Variants in SGO1 observed in about 807,000 individuals in gnomAD.
SGO1 encodes serologically defined breast cancer antigen NY-BR-85.
Under a neutral mutation model 50.5 loss-of-function variants are expected in SGO1, and 39 were observed. The observed-to-expected ratio is 0.77, with a 90% CI of 0.60 to 1.01. The LOEUF (loss-of-function observed/expected upper bound fraction) is 1.01. Among genes scored for constraint, SGO1 ranks in the 50% least tolerant of loss-of-function variants. The probability of loss-of-function intolerance (pLI) is 0.00; values close to 1 mark genes in which losing one functional copy is unlikely to be tolerated. For missense variants in SGO1, 638 were observed against 606.0 expected, an observed-to-expected ratio of 1.05 and a Z score of -0.55; for synonymous variants, 191 against 205.1, an observed-to-expected ratio of 0.93 and a Z score of 0.59.
chr3:20,179,788 T>C (rs974113110), intron 3 of SGO1, among the ~76,000 whole-genome samples: 3 of 152,080 alleles, frequency 2.0e-5, no homozygotes, highest in South Asian at 4.1e-4. Flanking sequence ...GAGACCGACA[T>C]GGAACAGTCA....
chr3:20,161,320 A>C (rs1003685286), intron 8 of SGO1: 2 of 1,406,778 alleles, frequency 1.4e-6, no homozygotes, highest in African/African-American at 3.0e-5. Flanking sequence ...TCCATGAAGG[A>C]TGAGCTCACA....
chr3:20,176,003 T>C (rs552089511), intron 5 of SGO1, among the ~76,000 whole-genome samples: 20 of 152,332 alleles, frequency 1.3e-4, no homozygotes, highest in Middle Eastern at 3.4e-3. Context: ...ATATAATTTG[T>C]ATTTTAAGGA....
chr3:20,161,071 A>G, exon 9 of SGO1: 1 of 1,613,110 alleles, frequency 6.2e-7, no homozygotes, highest in Non-Finnish European at 8.5e-7. Context: ...GCATGGACTA[A>G]AAAAGTTTTC....
At position 20,170,526 on chromosome 3, in the gene SGO1, G is replaced by C. The variant is rs958022708; in HGVS notation, c.*178C>G. The C allele has an allele frequency of 1.2e-5, 15 of 1,207,294 alleles. No homozygotes were observed. Among genetic ancestry groups the C allele is most frequent in the Non-Finnish European group, 1.5e-5 (15 of 970,880 alleles). The allele number at this position is 1,207,294 out of a possible 1,614,324, so 74.8% of individuals were successfully genotyped here. A position where few individuals can be genotyped will look rare whatever the true frequency, so the allele number is the denominator to read the frequency against. On this transcript the variant is annotated 3_prime_UTR_variant, in exon 8 of 8. Coordinates refer to ENST00000412997, the MANE Select transcript of SGO1 (RefSeq NM_001199251.3). ...GAAAAAATAAATTAAATTTATTAAA[G>C]TTTTAATACAAAGCATCCCATTTGA...
intron 5 of SGO1, among the ~76,000 whole-genome samples, chr3:20,176,303 T>G (rs1013307039): frequency 6.6e-6 from 1 of 152,212 alleles, no homozygotes; most frequent in Admixed American, 6.5e-5. Context: ...TAGGTTGTTG[T>G]GAGGGTTAGG....
chr3:20,169,286 G>A (rs530809080), downstream of SGO1: 1 of 985,086 alleles, frequency 1.0e-6, no homozygotes, highest in East Asian at 1.1e-4. Context: ...GAAGTGTTAG[G>A]TTGAAAGTAT....
downstream of SGO1, among the ~76,000 whole-genome samples, chr3:20,167,568 C>G (rs530293412): frequency 6.6e-6 from 1 of 152,184 alleles, no homozygotes; most frequent in African/African-American, 2.4e-5. Context: ...CTTGAATTCT[C>G]ATAAATAAAT....
chr3:20,182,567 T>G (rs1040241979), intron 3 of SGO1, among the ~76,000 whole-genome samples: 2 of 152,190 alleles, frequency 1.3e-5, no homozygotes, highest in African/African-American at 4.8e-5. Context: ...ACTTTTTTCG[T>G]AAGTAATGAT....
At chr3:20,169,239 TG>T, downstream of SGO1, 1 of 985,252 alleles carries the variant, frequency 1.0e-6, no homozygotes, top group Non-Finnish European at 1.2e-6. Context: ...TTGTTAATCA[TG>T]AACTGGGAGA....
Position 20,161,196 on chromosome 3 carries a change from G to C in SGO1, c.1595C>G (p.Ala532Gly), listed in dbSNP as rs777017828. Residue 532 changes from alanine (A) to glycine (G), a missense_variant, in exon 9 of 9, where the codon GCA becomes GGA. Ala to Gly is a moderately conservative substitution (Grantham distance 60). Coordinates refer to the SGO1 transcript ENST00000263753. The stretch of plus-strand genomic sequence containing the variant: ...TCGAACATAATATAAAATAAAAATT[G>C]CTTCTTTGGCAGGTGATACCTCCAG... 1.9e-6 allele frequency: 3 copies of C among 1,607,922 alleles called. No homozygotes were observed. In the South Asian group the frequency reaches 3.3e-5, roughly 18 times the overall value.
chr3:20,164,180 C>A (rs141994782), intron 8 of SGO1, among the ~76,000 whole-genome samples: 76 of 152,224 alleles, frequency 5.0e-4, no homozygotes, highest in Middle Eastern at 3.4e-3. Context: ...ATGTGAAGAT[C>A]TTTAACAAAA....
At chr3:20,162,895 C>G (rs991692669) in intron 8 of SGO1, among the ~76,000 whole-genome samples, 7 of 150,716 alleles carry the variant, frequency 4.6e-5, no homozygotes, top group African/African-American at 1.7e-4. Flanking sequence ...AAATGAAGCC[C>G]AGAGGGAAGA....
At chr3:20,184,372 G>C (rs1016257398) in intron 1 of SGO1, among the ~76,000 whole-genome samples, 1 of 152,102 alleles carries the variant, frequency 6.6e-6, no homozygotes. Context: ...ATTATATTTT[G>C]ATGCATTATT....
rs1228617053 is a variant in SGO1, at chr3:20,170,790, TA to T, written c.1497del (p.Phe499LeufsTer7). The T allele has an allele frequency of 1.9e-6, 3 of 1,596,098 alleles. No homozygotes were observed. Among genetic ancestry groups the T allele is most frequent in the African/African-American group, 1.4e-5 (1 of 73,552 alleles). On this transcript the variant is annotated frameshift_variant, in exon 8 of 8. Coordinates refer to ENST00000412997, the MANE Select transcript of SGO1 (RefSeq NM_001199251.3). LOFTEE classifies it high-confidence loss of function. ...GGAGAATTCAAAAAACACAAATCTG[TA>T]AAAGGGTCCCCTCTTCTCAGTTTCC... ...LASKLRRGDPFTDLCFLNSPI... is the reference protein window; with the variant it reads ...LASKLRRGDPXTDLCFLNSPI...
At chr3:20,179,125 GA>G (rs967902644) in intron 3 of SGO1, among the ~76,000 whole-genome samples, 3 of 152,164 alleles carry the variant, frequency 2.0e-5, no homozygotes, top group African/African-American at 7.2e-5. Flanking sequence ...AACAATGAGG[GA>G]GAGGAAAGCC....
chr3:20,185,464 C>A (rs554205413), intron 1 of SGO1, among the ~76,000 whole-genome samples: 1 of 152,126 alleles, frequency 6.6e-6, no homozygotes, highest in Admixed American at 6.5e-5. Context: ...GACCACAGCG[C>A]GAGATGACGG....
rs1028500544 is a variant in SGO1, at chr3:20,160,928, T to A, written c.*177A>T. The A allele has an allele frequency of 1.2e-5, 10 of 863,110 alleles. No individual in the cohort carries two copies. The East Asian group carries it at 2.7e-4, about 23-fold the overall frequency. 53.5% of individuals were successfully genotyped at this position (863,110 alleles called of 1,614,324 possible). ...TGATTCCTCGGTCACCCTGGGAAAG[T>A]TGCTATCTCTAATTAAAGGGCTTAG... On this transcript the variant is annotated 3_prime_UTR_variant, in exon 9 of 9. Transcript: ENST00000263753.
At chr3:20,170,986 C>T in intron 7 of SGO1, 57 bp downstream of exon 7, 2 of 1,514,352 alleles carry the variant, frequency 1.3e-6, no homozygotes, top group Non-Finnish European at 1.8e-6. Flanking sequence ...AGCTCCATAA[C>T]CTTATTCCCC....
chr3:20,185,384 T>C (rs1472882233), intron 1 of SGO1, among the ~76,000 whole-genome samples: 2 of 152,180 alleles, frequency 1.3e-5, no homozygotes, highest in South Asian at 2.1e-4. Flanking sequence ...AAAAGTTTTA[T>C]ATCCTGTCTA....
Sources: allele counts gnomAD v4.1 joint callset (sites outside exome capture counted in the v4.1 genomes callset), GRCh38; gene constraint gnomAD v4.1.1; transcripts MANE v1.5; gene names NCBI Gene and HGNC (gene_info 2026-07-23, HGNC 2026-07-21).